Variants in ZEB1 observed in about 807,000 individuals in gnomAD.
ZEB1 encodes zinc finger E-box-binding homeobox 1.
ZEB1 carries 21 observed loss-of-function variants against 84.9 expected under a neutral mutation model. That is an observed-to-expected ratio of 0.25 (90% CI 0.18 to 0.36). ZEB1 has a LOEUF of 0.36. ZEB1 is among the 10% of genes least tolerant of loss of function. The pLI is 1.00. For synonymous variants in ZEB1, 420 were observed against 471.1 expected (o/e 0.89, Z 1.41); for missense variants, 1,104 against 1,330.2 (o/e 0.83, Z 2.65).
At chr10:31,387,382 C>G (rs1237891760) in intron 1 of ZEB1, 1 of 872,100 alleles carries the variant, frequency 1.1e-6, no homozygotes, top group Non-Finnish European at 1.4e-6. Flanking sequence ...AAGGGAGGCC[C>G]TACCTGTGGG....
intron 1 of ZEB1, among the ~76,000 whole-genome samples, chr10:31,379,469 A>G (rs1199369809): frequency 6.6e-6 from 1 of 151,822 alleles, no homozygotes; most frequent in Admixed American, 6.6e-5. Flanking sequence ...ATACATATAT[A>G]TACACATATA....
At chr10:31,389,124 C>A (rs959345247) in intron 1 of ZEB1, among the ~76,000 whole-genome samples, 2 of 152,034 alleles carry the variant, frequency 1.3e-5, no homozygotes, top group African/African-American at 4.8e-5. Context: ...CCTATGAGAT[C>A]TATGAGATCT....
intron 1 of ZEB1, among the ~76,000 whole-genome samples, chr10:31,347,964 A>T (rs953578588): frequency 6.6e-6 from 1 of 152,210 alleles, no homozygotes; most frequent in African/African-American, 2.4e-5. Context: ...AGAGCAACAG[A>T]TGGTGTCTGG....
intron 6 of ZEB1, among the ~76,000 whole-genome samples, chr10:31,517,120 G>A (rs562794809): frequency 6.6e-6 from 1 of 152,096 alleles, no homozygotes; most frequent in South Asian, 2.1e-4. Context: ...GCTCTGCCTA[G>A]GGTATCTAAT....
rs149021335 is a variant in ZEB1 at position 31,379,822 on chromosome 10, G to A, written c.58+60530G>A. On this transcript the variant is annotated intron_variant, in intron 1 of 8. Transcript: ENST00000424869. ...CAATCAGCAAAATTTTGCCACATTT[G>A]CTTCATCTACTCTCTTCTTTTTCCT... Among the ~76,000 whole-genome samples the A allele has an allele frequency of 9.1e-3, 1,389 of 151,888 alleles. 13 individuals are homozygous for A. The highest frequency in any genetic ancestry group is 0.031 in the African/African-American group (1,300 of 41,476).
At chr10:31,496,482 G>A (rs1056006810) in intron 3 of ZEB1, among the ~76,000 whole-genome samples, 12 of 152,044 alleles carry the variant, frequency 7.9e-5, no homozygotes, top group African/African-American at 2.9e-4. Context: ...GATTTAAGAA[G>A]CAAAAGAGTA....
chr10:31,474,329 T>C (rs2063741215), intron 2 of ZEB1, among the ~76,000 whole-genome samples: 2 of 151,380 alleles, frequency 1.3e-5, no homozygotes, highest in South Asian at 4.2e-4. Flanking sequence ...AGGGCTAATA[T>C]CCAGAATCTA....
intron 1 of ZEB1, chr10:31,360,873 G>A: frequency 9.2e-7 from 1 of 1,089,436 alleles, no homozygotes; most frequent in Non-Finnish European, 1.4e-6. Context: ...CACAGTAGTG[G>A]CGTTACAGTG....
At position 31,520,084 on chromosome 10, in the gene ZEB1, GTAA is replaced by G. The variant is rs767748702; in HGVS notation, c.794-37_794-35del. 37 of 1,602,814 alleles carry G rather than the reference GTAA, an allele frequency of 2.3e-5. No homozygotes were observed. In the African/African-American group the frequency reaches 4.8e-4, roughly 21 times the overall value. ...AATGAGGATACATAAAAATTTATAT[GTAA>G]TAATTCAGTGAATATAATTTGTTTG... On this transcript the variant is annotated intron_variant, in intron 6 of 8. Coordinates refer to ENST00000424869, the MANE Select transcript of ZEB1 (RefSeq NM_001174096.2). The surrounding 1 kb of genome is among the most constrained non-coding windows in gnomAD (Gnocchi z 5.1).
intron 1 of ZEB1, among the ~76,000 whole-genome samples, chr10:31,411,617 C>T (rs1224474920): frequency 2.4e-5 from 3 of 125,692 alleles, no homozygotes; most frequent in East Asian, 2.4e-4. Flanking sequence ...CCGGCCTGGG[C>T]GACAGAGCGA....
At chr10:31,321,466 T>C (rs553157128) in intron 1 of ZEB1, 14 of 1,613,938 alleles carry the variant, frequency 8.7e-6, no homozygotes, top group African/African-American at 2.7e-5. Context: ...ATTTCCTGTT[T>C]TAGCGTCAAA....
At chr10:31,443,733 G>A (rs1170242360) in intron 1 of ZEB1, among the ~76,000 whole-genome samples, 2 of 150,068 alleles carry the variant, frequency 1.3e-5, no homozygotes, top group Admixed American at 6.6e-5. Context: ...CCTTACAAAG[G>A]ACATGAACTC....
At chr10:31,328,173 G>A (rs1405903107) in intron 1 of ZEB1, among the ~76,000 whole-genome samples, 1 of 152,066 alleles carries the variant, frequency 6.6e-6, no homozygotes, top group Non-Finnish European at 1.5e-5. Flanking sequence ...TAGTTTCTTA[G>A]TTGTATTTTT....
chr10:31,363,986 G>A (rs1176996841), intron 1 of ZEB1, among the ~76,000 whole-genome samples: 1 of 152,212 alleles, frequency 6.6e-6, no homozygotes, highest in Non-Finnish European at 1.5e-5. Flanking sequence ...CGAGCAGGTT[G>A]CCGATGGCAT....
intron 4 of ZEB1, among the ~76,000 whole-genome samples, 174 bp downstream of exon 4, chr10:31,502,683 G>C (rs1363825685): frequency 6.6e-6 from 1 of 152,142 alleles, no homozygotes; most frequent in African/African-American, 2.4e-5. Context: ...TGACCATGCA[G>C]TAATAAATTA....
intron 1 of ZEB1, 117 bp from the exon 2 acceptor site, chr10:31,460,920 T>G: frequency 2.3e-6 from 2 of 875,830 alleles, no homozygotes. Flanking sequence ...TTAACATTAT[T>G]TAAAAGAAAA....
At chr10:31,335,124 T>C (rs1379786432) in intron 1 of ZEB1, among the ~76,000 whole-genome samples, 1 of 152,150 alleles carries the variant, frequency 6.6e-6, no homozygotes, top group African/African-American at 2.4e-5. Context: ...TATCCATCTG[T>C]AGGTGGTTAC....
Position 31,380,161 on chromosome 10 carries a change from C to T in ZEB1, c.58+60869C>T, listed in dbSNP as rs79954569. Among the ~76,000 whole-genome samples the T allele has an allele frequency of 9.9e-5, 15 of 151,982 alleles. No individual in the cohort carries two copies. The East Asian group carries it at 2.1e-3, about 22-fold the overall frequency. ...CCCACCACTTGTTTACCTCACTCAC[C>T]CCCAAACCCCCTTCTTCCTCCTTCC... is the stretch of plus-strand genomic sequence containing the variant. On this transcript the variant is annotated intron_variant, in intron 1 of 8. Transcript: ENST00000424869.
At chr10:31,488,567 G>T in intron 2 of ZEB1, among the ~76,000 whole-genome samples, 1 of 146,882 alleles carries the variant, frequency 6.8e-6, no homozygotes, top group Admixed American at 6.8e-5. Context: ...ACTTCTTTCT[G>T]CTTGCTTTGG....
Sources: gnomAD v4.1 joint callset for allele counts (sites outside exome capture counted in the v4.1 genomes callset) on GRCh38, gnomAD v4.1.1 for gene constraint, Gnocchi (gnomAD v3.1) non-coding constraint, MANE v1.5 for transcripts, NCBI Gene and HGNC (gene_info 2026-07-23, HGNC 2026-07-21) for gene names.